The following CDH12 variants were observed in gnomAD, a reference collection of about 807,000 sequenced individuals.
CDH12 encodes the protein cadherin 12.
In CDH12, 41 loss-of-function variants were observed where a neutral mutation model predicts 74.1. The ratio of observed to expected loss-of-function variants is 0.55; its 90% CI spans 0.43 to 0.72. CDH12 has a LOEUF of 0.72. Ranked by LOEUF, CDH12 falls within the 30% of genes least tolerant of loss-of-function variation. The probability of loss-of-function intolerance (pLI) is 0.00; values close to 1 mark genes in which losing one functional copy is unlikely to be tolerated. For synonymous variants in CDH12, 399 were observed against 355.0 expected (o/e 1.12, Z -1.39); for missense variants, 945 against 977.2 (o/e 0.97, Z 0.44).
chr5:22,423,886 CCGGCTACTTG>C (rs1743766722), intron 2 of CDH12, among the ~76,000 whole-genome samples: 1 of 150,794 alleles, frequency 6.6e-6, no homozygotes, highest in Non-Finnish European at 1.5e-5. Context: ...GCCTGTAGTC[CCGGCTACTTG>C]GGTGGCTGAG....
intron 1 of CDH12, among the ~76,000 whole-genome samples, chr5:22,810,246 A>T (rs1245624715): frequency 1.3e-5 from 2 of 152,116 alleles, no homozygotes; most frequent in Non-Finnish European, 2.9e-5. Context: ...TATTTTATTC[A>T]ACAAAGATAT....
intron 1 of CDH12, among the ~76,000 whole-genome samples, chr5:22,562,260 T>C (rs1340347980): frequency 1.3e-5 from 2 of 151,918 alleles, no homozygotes; most frequent in Admixed American, 6.6e-5. Flanking sequence ...GAGCTGGCAG[T>C]GAGCCGAGAT....
chr5:22,748,155 G>A (rs1284049849), intron 1 of CDH12, among the ~76,000 whole-genome samples: 2 of 152,148 alleles, frequency 1.3e-5, no homozygotes, highest in Non-Finnish European at 2.9e-5. Flanking sequence ...ACAAAAATAA[G>A]TATTTTTTAA....
chr5:22,716,777 AG>A (rs1743601416), intron 1 of CDH12, among the ~76,000 whole-genome samples: 1 of 152,082 alleles, frequency 6.6e-6, no homozygotes, highest in Non-Finnish European at 1.5e-5. Flanking sequence ...GACCCTGTGT[AG>A]GCCTAGGCTA....
At chr5:22,236,367 C>T (rs1752558737) in intron 3 of CDH12, among the ~76,000 whole-genome samples, 1 of 152,092 alleles carries the variant, frequency 6.6e-6, no homozygotes, top group South Asian at 2.1e-4. Flanking sequence ...ATTTTATGTC[C>T]TTATTCTATT....
At chr5:22,322,972 C>T (rs979661675) in intron 3 of CDH12, among the ~76,000 whole-genome samples, 2 of 152,050 alleles carry the variant, frequency 1.3e-5, no homozygotes. Context: ...AAAGTGCAAC[C>T]AATCTGTATA....
intron 5 of CDH12, among the ~76,000 whole-genome samples, chr5:22,028,873 T>C (rs577634318): frequency 2.0e-4 from 30 of 152,290 alleles, no homozygotes; most frequent in African/African-American, 6.5e-4. Context: ...ACTACAAGGC[T>C]ACAGTAACCA....
chr5:21,839,778 C>T (rs181449812), intron 8 of CDH12, among the ~76,000 whole-genome samples: 6 of 152,062 alleles, frequency 3.9e-5, no homozygotes, highest in Non-Finnish European at 5.9e-5. Context: ...AAATGACTGC[C>T]TAGTGACTTA....
chr5:21,950,148 T>C (rs966841513), intron 6 of CDH12, among the ~76,000 whole-genome samples: 2 of 145,812 alleles, frequency 1.4e-5, no homozygotes, highest in African/African-American at 5.5e-5. Flanking sequence ...GCCTACAGTA[T>C]TCAGCACAGT....
At chr5:22,256,604 T>G (rs1753326650) in intron 3 of CDH12, among the ~76,000 whole-genome samples, 1 of 152,134 alleles carries the variant, frequency 6.6e-6, no homozygotes, top group Admixed American at 6.6e-5. Context: ...ATTCAGAAAG[T>G]ATTACAGAAG....
intron 3 of CDH12, among the ~76,000 whole-genome samples, chr5:22,394,293 C>A (rs1020526072): frequency 3.3e-5 from 5 of 152,104 alleles, no homozygotes; most frequent in Admixed American, 6.6e-5. Context: ...GTGATTCACA[C>A]AGGAGAACCA....
Position 21,776,749 on chromosome 5 carries a change from C to T in CDH12, c.1393+6609G>A, listed in dbSNP as rs141798018. 1.2e-3 allele frequency among the ~76,000 whole-genome samples: 186 copies of T among 152,272 alleles called. 1 individual carries two copies. Among genetic ancestry groups the T allele is most frequent in the African/African-American group, 4.4e-3 (181 of 41,564 alleles). Reference sequence around the variant, plus strand: ...AAGTCTTATTCCTTCCCACACCCTGCCCTGATTTTGAAGGTCTACATTAGT... The same window carrying T: ...AAGTCTTATTCCTTCCCACACCCTGTCCTGATTTTGAAGGTCTACATTAGT... On this transcript the variant is annotated intron_variant, in intron 11 of 14. Coordinates refer to ENST00000382254, the MANE Select transcript of CDH12 (RefSeq NM_004061.5).
intron 1 of CDH12, among the ~76,000 whole-genome samples, chr5:22,635,697 C>T (rs1451120883): frequency 4.6e-5 from 7 of 152,250 alleles, no homozygotes; most frequent in Non-Finnish European, 7.4e-5. Flanking sequence ...AGGCGGATCA[C>T]GAGGTCAGGA....
intron 2 of CDH12, among the ~76,000 whole-genome samples, chr5:22,408,049 T>C (rs1743012483): frequency 6.6e-6 from 1 of 152,062 alleles, no homozygotes; most frequent in Non-Finnish European, 1.5e-5. Context: ...TTTCAGTCAG[T>C]TTATTTTTAG....
chr5:22,219,367 G>A (rs1382251531), intron 3 of CDH12, among the ~76,000 whole-genome samples: 2 of 151,404 alleles, frequency 1.3e-5, no homozygotes, highest in Admixed American at 1.3e-4. Flanking sequence ...GGATTTCATG[G>A]TGACTCTATT....
intron 11 of CDH12, among the ~76,000 whole-genome samples, chr5:21,770,613 C>T (rs940952856): frequency 7.1e-6 from 1 of 141,460 alleles, no homozygotes; most frequent in Non-Finnish European, 1.5e-5. Flanking sequence ...AGCAAAAGTC[C>T]ATCTCAAAAA....
rs545902490 is a variant in CDH12 at position 22,362,890 on chromosome 5, T to A, written c.-333+42367A>T. Reference sequence around the variant, plus strand: ...GGTGGGAACTGAACAATGAGAACACTTGGACACAGGAAGGGGAACATAACA... The same window carrying A: ...GGTGGGAACTGAACAATGAGAACACATGGACACAGGAAGGGGAACATAACA... On this transcript the variant is annotated intron_variant, in intron 3 of 14. Transcript: ENST00000382254. Among the ~76,000 whole-genome samples, 159 of 132,666 alleles carry A rather than the reference T, an allele frequency of 1.2e-3. 1 individual carries two copies. The highest frequency in any genetic ancestry group is 1.5e-3 in the Non-Finnish European group (100 of 65,026). 87.0% of individuals were successfully genotyped at this position (132,666 alleles called of 152,430 possible).
chr5:22,658,073 G>A (rs908065371), intron 1 of CDH12, among the ~76,000 whole-genome samples: 4 of 152,190 alleles, frequency 2.6e-5, no homozygotes, highest in Admixed American at 1.3e-4. Flanking sequence ...TAGTATTTCA[G>A]TGTAGTGATA....
At chr5:22,653,486 C>T (rs1580854026) in intron 1 of CDH12, among the ~76,000 whole-genome samples, 1 of 151,862 alleles carries the variant, frequency 6.6e-6, no homozygotes, top group Middle Eastern at 3.4e-3. Flanking sequence ...CTGTTGGGTT[C>T]TATTTTTTCC....
Sources: gnomAD v4.1 joint callset for allele counts (sites outside exome capture counted in the v4.1 genomes callset) on GRCh38, gnomAD v4.1.1 for gene constraint, MANE v1.5 for transcripts, NCBI Gene and HGNC (gene_info 2026-07-23, HGNC 2026-07-21) for gene names.